Variants in ZC3H12B observed in about 807,000 individuals in gnomAD.
ZC3H12B encodes probable ribonuclease ZC3H12B.
In ZC3H12B, 7 loss-of-function variants were observed where a neutral mutation model predicts 43.9. The ratio of observed to expected loss-of-function variants is 0.16; its 90% confidence interval spans 0.09 to 0.30. The LOEUF (loss-of-function observed/expected upper bound fraction) is 0.30, where lower values mean the gene tolerates loss of function less well. ZC3H12B is among the 10% of genes least tolerant of loss of function. ZC3H12B has a pLI of 1.00. For synonymous variants in ZC3H12B, 222 were observed against 241.7 expected, an observed-to-expected ratio of 0.92 and a Z score of 0.76; for missense variants, 475 against 670.2, an observed-to-expected ratio of 0.71 and a Z score of 3.22.
the ZC3H12B span, among the ~76,000 whole-genome samples, chrX:65,141,562 G>A: frequency 9.2e-6 from 1 of 109,001 alleles, no homozygotes; most frequent in Non-Finnish European, 1.9e-5. Context: ...AACAAGTGGT[G>A]TTTGGTTTCA....
At chrX:65,041,848 G>A in the ZC3H12B span, among the ~76,000 whole-genome samples, 1 of 111,760 alleles carries the variant, frequency 8.9e-6, no homozygotes, top group South Asian at 3.7e-4. Context: ...GATGCAAGAA[G>A]CACTAAAATC....
chrX:65,171,869 C>T, the ZC3H12B span, among the ~76,000 whole-genome samples: 1 of 110,672 alleles, frequency 9.0e-6, no homozygotes, highest in Non-Finnish European at 1.9e-5. Flanking sequence ...TCCTGGTGTG[C>T]CGTTTGCTAA....
the ZC3H12B span, among the ~76,000 whole-genome samples, chrX:65,155,897 A>G: frequency 9.1e-6 from 1 of 109,555 alleles, no homozygotes; most frequent in Non-Finnish European, 1.9e-5. Context: ...CTTTTCCTGT[A>G]TTCTAGAAGA....
At chrX:65,381,231 A>G (rs1242614774) in intron 2 of ZC3H12B, among the ~76,000 whole-genome samples, 6 of 111,832 alleles carry the variant, frequency 5.4e-5, no homozygotes, top group Admixed American at 9.5e-5. Flanking sequence ...CACGTAAAAG[A>G]ACAGAAATTA....
the ZC3H12B span, among the ~76,000 whole-genome samples, chrX:65,162,756 T>A: frequency 7.4e-5 from 8 of 107,925 alleles, no homozygotes; most frequent in South Asian, 1.1e-3. Context: ...TGAAGCCTTC[T>A]TCTCTCACCT....
At chrX:65,070,050 A>T in the ZC3H12B span, among the ~76,000 whole-genome samples, 3 of 104,798 alleles carry the variant, frequency 2.9e-5, no homozygotes, top group African/African-American at 7.0e-5. Context: ...TGTACATCTC[A>T]TAGAACTCGG....
chrX:65,088,672 G>A, the ZC3H12B span, among the ~76,000 whole-genome samples: 1 of 111,653 alleles, frequency 9.0e-6, no homozygotes, highest in African/African-American at 3.3e-5. Flanking sequence ...CTTAGTCTCG[G>A]TCTTGCTTTC....
the ZC3H12B span, among the ~76,000 whole-genome samples, chrX:65,115,348 G>A: frequency 9.1e-6 from 1 of 110,259 alleles, no homozygotes; most frequent in Non-Finnish European, 1.9e-5. Flanking sequence ...ATAATAGTCT[G>A]CACTTCCATG....
the ZC3H12B span, among the ~76,000 whole-genome samples, chrX:65,063,673 C>T: frequency 8.9e-6 from 1 of 112,062 alleles, no homozygotes; most frequent in Non-Finnish European, 1.9e-5. Context: ...TGGCCTCATA[C>T]AGTGAGTTAG....
At chrX:65,068,825 CATCTT>C in the ZC3H12B span, among the ~76,000 whole-genome samples, 1 of 110,899 alleles carries the variant, frequency 9.0e-6, no homozygotes, top group Non-Finnish European at 1.9e-5. Context: ...TGAAACCTCT[CATCTT>C]TTGTTTTTCT....
chrX:65,106,501 T>C, the ZC3H12B span, among the ~76,000 whole-genome samples: 10 of 111,104 alleles, frequency 9.0e-5, no homozygotes, highest in Non-Finnish European at 1.3e-4. Context: ...GGAAGGGAGA[T>C]TGTGTAGGAG....
chrX:65,443,546 T>C (rs994420753), intron 3 of ZC3H12B, among the ~76,000 whole-genome samples: 1 of 112,699 alleles, frequency 8.9e-6, no homozygotes, highest in Non-Finnish European at 1.9e-5. Flanking sequence ...ATTGTTTCTA[T>C]AGATATTAAA....
At chrX:65,156,861 G>C in the ZC3H12B span, among the ~76,000 whole-genome samples, 9 of 111,584 alleles carry the variant, frequency 8.1e-5, no homozygotes, top group Admixed American at 7.7e-4. Context: ...GAGAATACTT[G>C]CCAGGGGTTT....
the ZC3H12B span, among the ~76,000 whole-genome samples, chrX:65,126,550 A>G: frequency 9.0e-6 from 1 of 111,155 alleles, no homozygotes; most frequent in Non-Finnish European, 1.9e-5. Context: ...AAGGATGTGG[A>G]AGTTTTCCTT....
the ZC3H12B span, among the ~76,000 whole-genome samples, chrX:65,314,831 A>G: frequency 9.0e-6 from 1 of 110,975 alleles, no homozygotes; most frequent in Non-Finnish European, 1.9e-5. Context: ...GTGTATGTAG[A>G]CATAAGATAT....
At chrX:65,177,273 A>G in the ZC3H12B span, among the ~76,000 whole-genome samples, 1 of 112,021 alleles carries the variant, frequency 8.9e-6, no homozygotes. Flanking sequence ...TTGATGGTAC[A>G]TATCTCAAAA....
chrX:65,276,419 AAAAG>A, the ZC3H12B span, among the ~76,000 whole-genome samples: 1 of 111,586 alleles, frequency 9.0e-6, no homozygotes, highest in Admixed American at 9.5e-5. Context: ...ACATTAAAGA[AAAAG>A]AAAGAATTAT....
At chrX:65,496,177 CTG>C (rs763378514) in intron 1 of ZC3H12B, among the ~76,000 whole-genome samples, 3 of 112,105 alleles carry the variant, frequency 2.7e-5, no homozygotes, top group Non-Finnish European at 5.6e-5. Flanking sequence ...TATATATAGT[CTG>C]TATTTTTTCT....
At chrX:65,086,044 G>A in the ZC3H12B span, among the ~76,000 whole-genome samples, 2 of 97,545 alleles carry the variant, frequency 2.1e-5, no homozygotes, top group African/African-American at 8.8e-5. Flanking sequence ...TGCTAATAAT[G>A]TCTTTTTTTT....
Sources: gnomAD v4.1 joint callset for allele counts (sites outside exome capture counted in the v4.1 genomes callset) on GRCh38, gnomAD v4.1.1 for gene constraint, MANE v1.5 for transcripts, NCBI Gene and HGNC (gene_info 2026-07-23, HGNC 2026-07-21) for gene names.